ZNF618: variants seen among roughly 807,000 people sequenced by gnomAD.
The protein encoded by ZNF618 is neural precursor cell expressed, developmentally down-regulated 10.
A neutral mutation model predicts 103.0 loss-of-function variants in ZNF618; 34 were observed. The observed-to-expected ratio is 0.33, with a 90% confidence interval of 0.25 to 0.44. The LOEUF (loss-of-function observed/expected upper bound fraction) is 0.44. Among genes scored for constraint, ZNF618 ranks in the 20% least tolerant of loss-of-function variants. ZNF618 has a pLI of 1.00. For synonymous variants in ZNF618, 551 were observed against 542.2 expected, an observed-to-expected ratio of 1.02 and a Z score of -0.23; for missense variants, 1,059 against 1,295.4, an observed-to-expected ratio of 0.82 and a Z score of 2.80.
chr9:114,007,160 G>A (rs939574136), intron 6 of ZNF618, among the ~76,000 whole-genome samples, 190 bp from the exon 7 acceptor site: 8 of 152,072 alleles, frequency 5.3e-5, no homozygotes, highest in African/African-American at 1.7e-4. Context: ...CGGCCCTCCC[G>A]GCTGTGCCCT....
chr9:113,998,728 G>C (rs10982026), intron 4 of ZNF618, among the ~76,000 whole-genome samples: 1 of 152,152 alleles, frequency 6.6e-6, no homozygotes, highest in Admixed American at 6.5e-5. Flanking sequence ...GCAGGACTTC[G>C]CAGGGCCTGC....
chr9:114,028,402 A>G (rs1333225364), intron 10 of ZNF618: 1 of 283,472 alleles, frequency 3.5e-6, no homozygotes, highest in African/African-American at 2.2e-5. Flanking sequence ...TTAGAAACCA[A>G]CATTCTAGAA....
At chr9:113,905,713 ATC>A (rs1458999047) in intron 1 of ZNF618, among the ~76,000 whole-genome samples, 1 of 152,196 alleles carries the variant, frequency 6.6e-6, no homozygotes, top group African/African-American at 2.4e-5. Context: ...ACATGCGCTG[ATC>A]AGCACTTGGG....
rs559719662 is a variant in ZNF618, at chr9:113,972,673, C to G, written c.77+3513C>G. Among the ~76,000 whole-genome samples, 301 of 152,282 alleles carry G rather than the reference C, an allele frequency of 2.0e-3. 1 individual carries two copies. Among genetic ancestry groups the G allele is most frequent in the Middle Eastern group, 6.8e-3 (2 of 294 alleles). Reference sequence around the variant, plus strand: ...AGGAGCTCACAGGCAAGTTTATAGACTCTGTGAGGAAAACTAATCCTTTGA... The same window carrying G: ...AGGAGCTCACAGGCAAGTTTATAGAGTCTGTGAGGAAAACTAATCCTTTGA... On this transcript the variant is annotated intron_variant, in intron 2 of 14. Coordinates refer to ENST00000374126, the MANE Select transcript of ZNF618 (RefSeq NM_001318042.2).
intron 1 of ZNF618, among the ~76,000 whole-genome samples, chr9:113,911,157 C>T (rs1291859963): frequency 6.6e-6 from 1 of 151,992 alleles, no homozygotes; most frequent in Non-Finnish European, 1.5e-5. Flanking sequence ...TTTCTAAGCA[C>T]TGTCTTAAAA....
intron 1 of ZNF618, among the ~76,000 whole-genome samples, chr9:113,914,828 A>T (rs1831916807): frequency 6.6e-6 from 1 of 152,140 alleles, no homozygotes; most frequent in African/African-American, 2.4e-5. Flanking sequence ...CTGATGTCCC[A>T]CCTGTTTTGA....
At chr9:113,889,317 A>ATC (rs10627696) in intron 1 of ZNF618, among the ~76,000 whole-genome samples, 30,351 of 139,172 alleles carry the variant, frequency 0.22, 3,402 homozygotes, top group East Asian at 0.4. Context: ...CCCCGCTACC[A>ATC]TCTCTCTCTC....
At chr9:113,884,774 C>CACAGAGAGAGAG (rs1205428615) in intron 1 of ZNF618, among the ~76,000 whole-genome samples, 50 of 142,286 alleles carry the variant, frequency 3.5e-4, no homozygotes, top group Middle Eastern at 3.5e-3. Flanking sequence ...CACAAACACA[C>CACAGAGAGAGAG]AGAGAGAGAG....
chr9:113,955,895 C>T (rs573258676), intron 1 of ZNF618, among the ~76,000 whole-genome samples: 26 of 151,952 alleles, frequency 1.7e-4, no homozygotes, highest in Admixed American at 5.2e-4. Context: ...AAAATGTGAC[C>T]GGAAGAAGGG....
chr9:113,967,048 A>T (rs1837475096), intron 1 of ZNF618, among the ~76,000 whole-genome samples: 1 of 152,244 alleles, frequency 6.6e-6, no homozygotes, highest in Admixed American at 6.5e-5. Flanking sequence ...GCTGCACTTG[A>T]GCTGGTCAAC....
intron 4 of ZNF618, 72 bp downstream of exon 4, chr9:113,998,426 C>T (rs1588285404): frequency 1.5e-6 from 2 of 1,362,990 alleles, no homozygotes; most frequent in East Asian, 2.5e-5. Context: ...ACACAGCCAT[C>T]AGTTACAGAC....
chr9:113,884,359 C>A (rs1828849219), intron 1 of ZNF618, among the ~76,000 whole-genome samples: 1 of 152,184 alleles, frequency 6.6e-6, no homozygotes, highest in South Asian at 2.1e-4. Context: ...CCGTATTTTC[C>A]TTACCTGTAA....
Position 114,028,925 on chromosome 9 carries a change from C to T in ZNF618, c.1037C>T (p.Thr346Met), listed in dbSNP as rs976595838. The stretch of plus-strand genomic sequence containing the variant: ...ACCCCTCCAGCCACCCAAACCCAGA[C>T]GTTCCGCACTCCAAATTCGGGATCT... ...HRTPPATQTQ[T>M]FRTPNSGSPA... The change falls in exon 11 of 15, where the codon ACG (threonine) becomes ATG (methionine). Residue 346 changes from threonine to methionine, a missense_variant. Transcript: ENST00000374126. 19 of 1,550,692 alleles carry T rather than the reference C, an allele frequency of 1.2e-5. No homozygotes were observed. The highest frequency in any genetic ancestry group is 1.7e-4 in the Middle Eastern group (1 of 6,014).
intron 9 of ZNF618, among the ~76,000 whole-genome samples, chr9:114,011,559 A>C (rs748663804): frequency 6.6e-6 from 1 of 152,232 alleles, no homozygotes; most frequent in Non-Finnish European, 1.5e-5. Context: ...TTGTGAGACA[A>C]AAACGTTGCT....
chr9:114,015,956 C>T (rs560487071), intron 9 of ZNF618, among the ~76,000 whole-genome samples: 3 of 152,334 alleles, frequency 2.0e-5, no homozygotes, highest in Non-Finnish European at 2.9e-5. Flanking sequence ...GTGAGAGAAG[C>T]GCACCCCAGA....
At chr9:113,987,587 C>A (rs372992122) in intron 2 of ZNF618, among the ~76,000 whole-genome samples, 1 of 152,122 alleles carries the variant, frequency 6.6e-6, no homozygotes, top group Non-Finnish European at 1.5e-5. Flanking sequence ...TGCCTAGGAA[C>A]GAAGGGAACA....
intron 13 of ZNF618, among the ~76,000 whole-genome samples, chr9:114,045,583 C>T (rs896925307): frequency 2.0e-5 from 3 of 151,874 alleles, no homozygotes; most frequent in South Asian, 2.1e-4. Context: ...TCTATATGTC[C>T]GTCCTGTGCC....
intron 1 of ZNF618, among the ~76,000 whole-genome samples, chr9:113,951,591 GTGTGTGTATATATATGTA>G (rs1835780455): frequency 1.9e-5 from 2 of 107,694 alleles, no homozygotes; most frequent in African/African-American, 3.2e-5. Flanking sequence ...GTGTGTGTGT[GTGTGTGTATATATATGTA>G]TATATATATA....
intron 3 of ZNF618, among the ~76,000 whole-genome samples, chr9:113,995,718 A>G (rs545394493): frequency 2.0e-5 from 3 of 152,088 alleles, no homozygotes; most frequent in Non-Finnish European, 4.4e-5. Flanking sequence ...TTTTGTTGAG[A>G]GCAGAGAGTT....
Sources: gnomAD v4.1 joint callset for allele counts (sites outside exome capture counted in the v4.1 genomes callset) on GRCh38, gnomAD v4.1.1 for gene constraint, MANE v1.5 for transcripts, NCBI Gene and HGNC (gene_info 2026-07-23, HGNC 2026-07-21) for gene names.